The following PCDH15 variants were observed in gnomAD, a reference collection of about 807,000 sequenced individuals.
The protein encoded by PCDH15 is protocadherin-15.
A neutral mutation model predicts 178.5 loss-of-function variants in PCDH15; 129 were observed. The observed-to-expected ratio is 0.72, with a 90% confidence interval of 0.63 to 0.84. The LOEUF is 0.84. PCDH15 is among the 40% of genes least tolerant of loss of function. The pLI is 0.00. For missense variants in PCDH15, 2,230 were observed against 2,099.9 expected (o/e 1.06, Z -1.21); for synonymous variants, 800 against 732.0 (o/e 1.09, Z -1.50).
intron 1 of PCDH15, among the ~76,000 whole-genome samples, chr10:55,307,758 T>C (rs1434744845): frequency 6.6e-6 from 1 of 151,926 alleles, no homozygotes; most frequent in African/African-American, 2.4e-5. Flanking sequence ...TTTTTAAAAA[T>C]TTATTCTTCC....
intron 2 of PCDH15, among the ~76,000 whole-genome samples, chr10:54,663,951 T>C (rs544340290): frequency 7.1e-4 from 108 of 152,116 alleles, no homozygotes; most frequent in African/African-American, 2.5e-3. Flanking sequence ...AATTTTGTAC[T>C]AAACTGTATT....
rs1011394265 is a variant in PCDH15 at position 53,880,988 on chromosome 10, ATGTG to A, written c.3502-14135_3502-14132del. On this transcript the variant is annotated intron_variant, in intron 26 of 37. Transcript: ENST00000644397. Reference sequence around the variant, plus strand: ...GTGCTCTCTCTCTCTCTGTATGTGTATGTGTGTGTGTTTAAAAACACACATATGT... The same window carrying A: ...GTGCTCTCTCTCTCTCTGTATGTGTATGTGTGTTTAAAAACACACATATGT... Among the ~76,000 whole-genome samples the A allele has an allele frequency of 4.6e-5, 7 of 152,082 alleles. No individual in the cohort carries two copies. In the East Asian group the frequency reaches 9.6e-4, roughly 21 times the overall value.
intron 16 of PCDH15, among the ~76,000 whole-genome samples, chr10:54,080,717 A>G (rs1429511124): frequency 6.6e-6 from 1 of 152,228 alleles, no homozygotes; most frequent in East Asian, 1.9e-4. Context: ...AACATATGGC[A>G]TGCCCATGAA....
intron 3 of PCDH15, among the ~76,000 whole-genome samples, chr10:54,517,698 G>A (rs1565481493): frequency 6.6e-6 from 1 of 152,052 alleles, no homozygotes; most frequent in African/African-American, 2.4e-5. Flanking sequence ...ACTCATCTCT[G>A]CACCAAGAGG....
At chr10:53,809,565 C>T (rs764795243) in intron 37 of PCDH15, 2 of 1,601,688 alleles carry the variant, frequency 1.2e-6, no homozygotes, top group South Asian at 1.1e-5. Flanking sequence ...TGTGAAAATG[C>T]AATTGAAGTG....
At chr10:53,840,097 T>C (rs907076173) in intron 29 of PCDH15, among the ~76,000 whole-genome samples, 2 of 152,178 alleles carry the variant, frequency 1.3e-5, no homozygotes, top group Non-Finnish European at 2.9e-5. Flanking sequence ...GGTCATCTGA[T>C]GCCCATAAAG....
intron 3 of PCDH15, among the ~76,000 whole-genome samples, chr10:54,875,794 C>A (rs533756569): frequency 6.6e-6 from 1 of 152,062 alleles, no homozygotes; most frequent in South Asian, 2.1e-4. Flanking sequence ...TTAGTTCTTG[C>A]GGCTTAAAGA....
chr10:54,067,450 G>A (rs2094157396), intron 17 of PCDH15, among the ~76,000 whole-genome samples: 1 of 152,148 alleles, frequency 6.6e-6, no homozygotes, highest in Admixed American at 6.6e-5. Flanking sequence ...TAAGCATACA[G>A]CTTACGGAAA....
Position 54,147,629 on chromosome 10 carries a change from A to G in PCDH15, c.1784+5471T>C, listed in dbSNP as rs186412898. 3.9e-5 allele frequency among the ~76,000 whole-genome samples: 6 copies of G among 152,048 alleles called. No homozygotes were observed. In the East Asian group the frequency reaches 7.7e-4, roughly 20 times the overall value. On this transcript the variant is annotated intron_variant, in intron 14 of 37. Transcript: ENST00000644397. ...TTTATTTAGCACAACACAATCTTCA[A>G]TGAAAAATATGTATATATAATACCA... is the stretch of plus-strand genomic sequence containing the variant.
intron 1 of PCDH15, among the ~76,000 whole-genome samples, chr10:54,772,154 C>T (rs1949167853): frequency 6.6e-6 from 1 of 151,992 alleles, no homozygotes; most frequent in South Asian, 2.1e-4. Flanking sequence ...ATAAATGAAA[C>T]ATACATATTT....
chr10:54,553,990 A>G (rs2086892193), intron 2 of PCDH15, among the ~76,000 whole-genome samples: 1 of 152,154 alleles, frequency 6.6e-6, no homozygotes, highest in South Asian at 2.1e-4. Flanking sequence ...GTCTTTCAAA[A>G]AGGCATAATT....
chr10:54,803,531 G>GT (rs948645749), upstream of PCDH15, among the ~76,000 whole-genome samples: 4 of 151,628 alleles, frequency 2.6e-5, no homozygotes, highest in East Asian at 1.9e-4. Flanking sequence ...AAGAGGCACC[G>GT]TTTTTTTTCT....
At chr10:55,265,041 C>T (rs559216955) in intron 1 of PCDH15, among the ~76,000 whole-genome samples, 9 of 152,160 alleles carry the variant, frequency 5.9e-5, no homozygotes, top group African/African-American at 1.4e-4. Context: ...AGCCAGCTCC[C>T]ACCAGCCCTG....
At chr10:54,385,857 A>G (rs2135207391) in intron 3 of PCDH15, among the ~76,000 whole-genome samples, 1 of 152,320 alleles carries the variant, frequency 6.6e-6, no homozygotes, top group East Asian at 1.9e-4. Flanking sequence ...TACACATTGA[A>G]GAAGCTATTT....
chr10:54,475,597 TTC>T (rs1343294854), intron 3 of PCDH15, among the ~76,000 whole-genome samples: 1 of 151,976 alleles, frequency 6.6e-6, no homozygotes, highest in Non-Finnish European at 1.5e-5. Context: ...TTATATTTTT[TTC>T]TGAAATATAT....
At chr10:54,239,263 T>C (rs980273935) in intron 8 of PCDH15, among the ~76,000 whole-genome samples, 1 of 151,964 alleles carries the variant, frequency 6.6e-6, no homozygotes, top group Non-Finnish European at 1.5e-5. Flanking sequence ...CTTTCTATAA[T>C]ATATAGAATT....
At chr10:55,147,068 AGTT>A (rs745922806) in intron 2 of PCDH15, among the ~76,000 whole-genome samples, 9 of 151,706 alleles carry the variant, frequency 5.9e-5, no homozygotes, top group Non-Finnish European at 1.3e-4. Flanking sequence ...ATTTATTAGC[AGTT>A]GTTATTAGAA....
At chr10:54,017,604 T>A (rs1394585663) in intron 20 of PCDH15, among the ~76,000 whole-genome samples, 1 of 151,966 alleles carries the variant, frequency 6.6e-6, no homozygotes, top group Non-Finnish European at 1.5e-5. Flanking sequence ...CTCCTGGACA[T>A]AAAAATAGCC....
chr10:55,253,931 G>C (rs1050746649), intron 1 of PCDH15, among the ~76,000 whole-genome samples: 1 of 152,140 alleles, frequency 6.6e-6, no homozygotes, highest in Non-Finnish European at 1.5e-5. Flanking sequence ...AATAAAATTA[G>C]TAATTTAGAC....
Sources: allele counts gnomAD v4.1 joint callset (sites outside exome capture counted in the v4.1 genomes callset), GRCh38; gene constraint gnomAD v4.1.1; transcripts MANE v1.5; gene names NCBI Gene and HGNC (gene_info 2026-07-23, HGNC 2026-07-21).